SKAP2: variants seen among roughly 807,000 people sequenced by gnomAD.
SKAP2 encodes the protein src kinase associated phosphoprotein 2.
In SKAP2, 28 loss-of-function variants were observed where a neutral mutation model predicts 54.9. The observed-to-expected ratio is 0.51, with a 90% CI of 0.38 to 0.70. SKAP2 has a LOEUF of 0.70. SKAP2 is among the 30% of genes least tolerant of loss of function. SKAP2 has a pLI of 0.00. For missense variants in SKAP2, 356 were observed against 424.1 expected (o/e 0.84, Z 1.41); for synonymous variants, 137 against 134.3 (o/e 1.02, Z -0.14).
At chr7:26,658,612 C>A in the SKAP2 span, among the ~76,000 whole-genome samples, 1 of 151,962 alleles carries the variant, frequency 6.6e-6, no homozygotes, top group South Asian at 2.1e-4. Flanking sequence ...CACATTTATC[C>A]TACTGAATTT....
At position 26,808,018 on chromosome 7, in the gene SKAP2, T is replaced by C. The variant is rs551345975; in HGVS notation, c.307+36012A>G. 3.9e-5 allele frequency among the ~76,000 whole-genome samples: 6 copies of C among 152,352 alleles called. No homozygotes were observed. The South Asian group carries it at 6.2e-4, about 16-fold the overall frequency. On this transcript the variant is annotated intron_variant, in intron 4 of 12. Coordinates refer to ENST00000345317, the MANE Select transcript of SKAP2 (RefSeq NM_003930.5). ...ATCAAAAAACTCATGAATTGCTTTA[T>C]TGCAATATTCATTTTATTGCAGTGG...
intron 4 of SKAP2, among the ~76,000 whole-genome samples, chr7:26,823,365 G>T (rs1024515430): frequency 6.8e-6 from 1 of 146,002 alleles, no homozygotes; most frequent in Admixed American, 7.1e-5. Flanking sequence ...GGTGGGGGTC[G>T]CAGTGAGCCG....
At chr7:26,859,538 T>C (rs1230778343) in intron 1 of SKAP2, among the ~76,000 whole-genome samples, 6 of 152,186 alleles carry the variant, frequency 3.9e-5, no homozygotes, top group Non-Finnish European at 8.8e-5. Context: ...AGAGCTCTCA[T>C]GGTACAATGG....
intron 4 of SKAP2, among the ~76,000 whole-genome samples, chr7:26,762,898 T>C (rs1782964070): frequency 6.6e-6 from 1 of 152,206 alleles, no homozygotes; most frequent in Non-Finnish European, 1.5e-5. Flanking sequence ...GTTACATGTA[T>C]AGCCAGAGAA....
At chr7:26,761,264 G>A (rs1204892090) in intron 4 of SKAP2, among the ~76,000 whole-genome samples, 3 of 151,946 alleles carry the variant, frequency 2.0e-5, no homozygotes, top group African/African-American at 7.3e-5. Flanking sequence ...AGCCAATACT[G>A]CAATTAAAAA....
intron 6 of SKAP2, among the ~76,000 whole-genome samples, chr7:26,728,532 G>T (rs1787756904): frequency 6.6e-6 from 1 of 152,042 alleles, no homozygotes; most frequent in Admixed American, 6.6e-5. Flanking sequence ...AATGATAAAT[G>T]GTTAAGCATG....
intron 6 of SKAP2, among the ~76,000 whole-genome samples, chr7:26,734,616 A>G (rs1180836897): frequency 6.6e-6 from 1 of 152,144 alleles, no homozygotes; most frequent in Non-Finnish European, 1.5e-5. Flanking sequence ...GGGAGCTGGG[A>G]AGTCCAAGAT....
the SKAP2 span, among the ~76,000 whole-genome samples, chr7:26,658,806 C>T: frequency 6.6e-6 from 1 of 151,862 alleles, no homozygotes; most frequent in Non-Finnish European, 1.5e-5. Context: ...AGATGCTGTT[C>T]AAAGCAATGA....
chr7:26,838,846 C>A (rs1341784607), intron 4 of SKAP2, among the ~76,000 whole-genome samples: 1 of 152,116 alleles, frequency 6.6e-6, no homozygotes, highest in African/African-American at 2.4e-5. Context: ...TTTAATATAA[C>A]CTAGATTGCT....
At chr7:26,818,941 T>C (rs904638171) in intron 4 of SKAP2, among the ~76,000 whole-genome samples, 3 of 152,174 alleles carry the variant, frequency 2.0e-5, no homozygotes, top group Non-Finnish European at 4.4e-5. Flanking sequence ...GGAGAGGATA[T>C]GGAGAAATAC....
At chr7:26,765,259 T>C (rs985748024) in intron 4 of SKAP2, among the ~76,000 whole-genome samples, 1 of 152,256 alleles carries the variant, frequency 6.6e-6, no homozygotes, top group African/African-American at 2.4e-5. Flanking sequence ...CATATGTTTT[T>C]TGGCCACATA....
chr7:26,844,157 T>A lies in SKAP2; in HGVS notation c.200-20A>T, dbSNP rs1584422753. ...CATCACCTGTTAAAAAAAAAAAAAA[T>A]CAGAGAACTGCCTTTTATACTTTAG... is the stretch of plus-strand genomic sequence containing the variant. On this transcript the variant is annotated intron_variant, in intron 3 of 12. Coordinates refer to ENST00000345317, the MANE Select transcript of SKAP2 (RefSeq NM_003930.5). 1.4e-5 allele frequency: 16 copies of A among 1,109,650 alleles called. No homozygotes were observed. Among genetic ancestry groups the A allele is most frequent in the Non-Finnish European group, 1.8e-5 (13 of 733,964 alleles). 68.7% of individuals were successfully genotyped at this position (1,109,650 alleles called of 1,614,324 possible). A position where few individuals can be genotyped will look rare whatever the true frequency, so the allele number is the denominator to read the frequency against.
chr7:26,656,081 C>T, the SKAP2 span, among the ~76,000 whole-genome samples: 1 of 152,192 alleles, frequency 6.6e-6, no homozygotes, highest in East Asian at 1.9e-4. Context: ...GCCCAGGTTC[C>T]TGTGACAGCA....
At chr7:26,681,893 G>A (rs932092092) in intron 11 of SKAP2, among the ~76,000 whole-genome samples, 3 of 151,932 alleles carry the variant, frequency 2.0e-5, no homozygotes, top group African/African-American at 7.3e-5. Context: ...TATTGACATG[G>A]AATAGGAAAG....
intron 4 of SKAP2, among the ~76,000 whole-genome samples, chr7:26,825,195 G>C (rs955015716): frequency 6.6e-6 from 1 of 152,112 alleles, no homozygotes; most frequent in African/African-American, 2.4e-5. Flanking sequence ...TCCAGCAAAA[G>C]CTACAGTACT....
intron 4 of SKAP2, among the ~76,000 whole-genome samples, chr7:26,830,374 T>C (rs1440695394): frequency 6.6e-6 from 1 of 152,102 alleles, no homozygotes; most frequent in African/African-American, 2.4e-5. Context: ...ACCACCTGAA[T>C]TGTATACTTT....
chr7:26,827,779 T>C (rs1189594072), intron 4 of SKAP2, among the ~76,000 whole-genome samples: 1 of 152,194 alleles, frequency 6.6e-6, no homozygotes, highest in Non-Finnish European at 1.5e-5. Flanking sequence ...CAAATTGCTA[T>C]AAACATTTCT....
intron 4 of SKAP2, among the ~76,000 whole-genome samples, chr7:26,764,875 T>G (rs896368384): frequency 6.6e-6 from 1 of 152,238 alleles, no homozygotes; most frequent in Non-Finnish European, 1.5e-5. Flanking sequence ...TTATCCAGTC[T>G]AACATTGATG....
At chr7:26,808,477 T>C (rs1562618863) in intron 4 of SKAP2, among the ~76,000 whole-genome samples, 2 of 151,956 alleles carry the variant, frequency 1.3e-5, no homozygotes, top group Non-Finnish European at 2.9e-5. Context: ...GGTGGGTGAA[T>C]GGGGAGTTAC....
Sources: allele counts gnomAD v4.1 joint callset (sites outside exome capture counted in the v4.1 genomes callset), GRCh38; gene constraint gnomAD v4.1.1; transcripts MANE v1.5; gene names NCBI Gene and HGNC (gene_info 2026-07-23, HGNC 2026-07-21).